Variants in UNC5A observed in about 807,000 individuals in gnomAD.
UNC5A encodes the protein netrin receptor UNC5A.
In UNC5A, 20 loss-of-function variants were observed where a neutral mutation model predicts 87.4. The observed-to-expected ratio is 0.23, with a 90% confidence interval of 0.16 to 0.33. The LOEUF is 0.33. UNC5A is among the 10% of genes least tolerant of loss of function. The probability of loss-of-function intolerance (pLI) is 1.00; values close to 1 mark genes in which losing one functional copy is unlikely to be tolerated. For synonymous variants in UNC5A, 438 were observed against 482.3 expected (o/e 0.91, Z 1.20); for missense variants, 844 against 1,133.4 (o/e 0.74, Z 3.67).
At position 176,848,475 on chromosome 5, in the gene UNC5A, A is replaced by G. The variant is rs1350136758; in HGVS notation, c.71-14149A>G. On this transcript the variant is annotated intron_variant, in intron 1 of 14. Coordinates refer to ENST00000329542, the MANE Select transcript of UNC5A (RefSeq NM_133369.3). The surrounding 1 kb of genome is among the most constrained non-coding windows in gnomAD (Gnocchi z 5.8). Reference sequence around the variant, plus strand: ...AGGAAAACATGAAATCAATACCAGGAGAAAAAAGTATGGCTGTCATTAAGT... The same window carrying G: ...AGGAAAACATGAAATCAATACCAGGGGAAAAAAGTATGGCTGTCATTAAGT... 6.6e-6 allele frequency among the ~76,000 whole-genome samples: 1 copy of G among 152,214 alleles called. No individual in the cohort carries two copies. The highest frequency in any genetic ancestry group is 1.5e-5 in the Non-Finnish European group (1 of 68,046).
chr5:176,815,770 G>A (rs1756572782), intron 1 of UNC5A, among the ~76,000 whole-genome samples: 2 of 152,176 alleles, frequency 1.3e-5, no homozygotes, highest in Admixed American at 1.3e-4. Flanking sequence ...ACTGACCCAG[G>A]CCCAGGCAGG....
Position 176,859,164 on chromosome 5 carries a change from T to C in UNC5A, c.71-3460T>C, listed in dbSNP as rs1189535630. Among the ~76,000 whole-genome samples, 39 of 78,522 alleles carry C rather than the reference T, an allele frequency of 5.0e-4. 1 individual carries two copies. The highest frequency in any genetic ancestry group is 2.4e-3 in the African/African-American group (31 of 12,944). The allele number at this position is 78,522 out of a possible 152,430, so 51.5% of individuals were successfully genotyped here. On this transcript the variant is annotated intron_variant, in intron 1 of 14. Transcript: ENST00000329542. ...GCTAGAGGGCATAGCTGCTACAATGTCCTTGCTAGAGGGCATGGCTGCTAG... is the reference window on the plus strand; with the variant it reads ...GCTAGAGGGCATAGCTGCTACAATGCCCTTGCTAGAGGGCATGGCTGCTAG...
At chr5:176,864,810 C>G (rs548391581) in intron 2 of UNC5A, 1 of 455,968 alleles carries the variant, frequency 2.2e-6, no homozygotes, top group East Asian at 7.0e-5. Flanking sequence ...TACCTCCTAC[C>G]CTCAGAGGGA....
chr5:176,847,239 C>T (rs1450568270), intron 1 of UNC5A, among the ~76,000 whole-genome samples: 1 of 152,196 alleles, frequency 6.6e-6, no homozygotes, highest in Non-Finnish European at 1.5e-5. Context: ...TGCCCCGTTC[C>T]CATCCAGCGC....
intron 1 of UNC5A, among the ~76,000 whole-genome samples, chr5:176,831,160 T>A (rs1279947345): frequency 6.6e-6 from 1 of 152,152 alleles, no homozygotes; most frequent in African/African-American, 2.4e-5. Context: ...CTTTTATCGT[T>A]CTGCAGAAGC....
In UNC5A at chr5:176,862,628, C is replaced by T. The variant is rs765114823; in HGVS notation, c.75C>T (p.Ala25=). ...VLAAWLRGSG[A]QQSATVANPV... is the part of the protein sequence containing the mutation. ...TCCCCCTCTGCCCTGCCGCAGGTGC[C>T]CAGCAGAGTGCCACCGTGGCCAACC... The change falls in exon 2 of 15, where the codon GCC becomes GCT. Residue 25 remains alanine (A), a synonymous_variant. Transcript: ENST00000329542. 2.7e-5 allele frequency: 44 copies of T among 1,613,174 alleles called. No individual in the cohort carries two copies. Among genetic ancestry groups the T allele is most frequent in the Non-Finnish European group, 3.4e-5 (40 of 1,179,858 alleles).
At chr5:176,851,937 C>G (rs1053418175) in intron 1 of UNC5A, among the ~76,000 whole-genome samples, 1 of 152,204 alleles carries the variant, frequency 6.6e-6, no homozygotes, top group South Asian at 2.1e-4. Flanking sequence ...TGATCTGCCC[C>G]GGCTCTGCCA....
In UNC5A at chr5:176,879,656, AGG is replaced by A. The variant is rs1466648494; in HGVS notation, c.2364-59_2364-58del. The A allele has an allele frequency of 5.7e-6, 9 of 1,582,374 alleles. No homozygotes were observed. The Admixed American group carries it at 1.5e-4, about 27-fold the overall frequency. On this transcript the variant is annotated intron_variant, in intron 14 of 14. Coordinates refer to ENST00000329542, the MANE Select transcript of UNC5A (RefSeq NM_133369.3). ...GGGAGGCCCTGCCCTGGGGTGGGCC[AGG>A]GGGGGCAGGAGGTGTCGGCTGGGGC... is the stretch of plus-strand genomic sequence containing the variant.
Position 176,862,752 on chromosome 5 carries a change from G to T in UNC5A, c.199G>T (p.Ala67Ser). 1 of 1,613,574 alleles carries T rather than the reference G, an allele frequency of 6.2e-7. No individual in the cohort carries two copies. Among genetic ancestry groups the T allele is most frequent in the Non-Finnish European group, 8.5e-7 (1 of 1,179,964 alleles). ...KNKPVLLVCK[A>S]VPATQIFFKC... is the part of the protein sequence containing the mutation. ...CAAGCCAGTGCTGCTTGTGTGCAAG[G>T]CCGTGCCCGCCACGCAGATCTTCTT... The change falls in exon 2 of 15, where the codon GCC becomes TCC. Residue 67 changes from alanine (A) to serine (S), a missense_variant. Ala to Ser is a moderately conservative substitution (Grantham distance 99, BLOSUM62 1). Around this residue, in one of 3 missense-constraint regions of UNC5A, gnomAD observed 314 missense variants for 466.5 expected, o/e 0.67. Transcript: ENST00000329542.
Position 176,879,962 on chromosome 5 carries a change from C to T in UNC5A, c.*76C>T. ...GGACAGGCAGAAGCCGGACAGGGGC[C>T]CTTCCCCACACCGGGGAGAGCTGCT... On this transcript the variant is annotated 3_prime_UTR_variant, in exon 15 of 15. Transcript: ENST00000329542. The T allele has an allele frequency of 6.6e-7, 1 of 1,509,970 alleles. No homozygotes were observed. Among genetic ancestry groups the T allele is most frequent in the Non-Finnish European group, 8.9e-7 (1 of 1,127,258 alleles). The allele number at this position is 1,509,970 out of a possible 1,614,324, so 93.5% of individuals were successfully genotyped here.
chr5:176,816,247 G>A (rs571541177), intron 1 of UNC5A, among the ~76,000 whole-genome samples: 5 of 152,390 alleles, frequency 3.3e-5, no homozygotes, highest in African/African-American at 4.8e-5. Context: ...TGCCTGCATC[G>A]CTGGAGAGCC....
intron 6 of UNC5A, among the ~76,000 whole-genome samples, chr5:176,873,568 G>T (rs1340547546): frequency 6.6e-6 from 1 of 152,154 alleles, no homozygotes; most frequent in Non-Finnish European, 1.5e-5. Context: ...CACACAGGAG[G>T]CAGACCCTGT....
In UNC5A at chr5:176,829,328, TATGGATGGATGGATGG is replaced by T. The variant is rs546614651; in HGVS notation, c.70+18535_70+18550del. 5.1e-3 allele frequency among the ~76,000 whole-genome samples: 481 copies of T among 93,406 alleles called. 3 individuals are homozygous for T. Among genetic ancestry groups the T allele is most frequent in the Middle Eastern group, 8.6e-3 (1 of 116 alleles). The allele number at this position is 93,406 out of a possible 152,430, so 61.3% of individuals were successfully genotyped here. A position where few individuals can be genotyped will look rare whatever the true frequency, so the allele number is the denominator to read the frequency against. ...TGGATGGATGAATGGATGTATGAAA[TATGGATGGATGGATGG>T]ATGGATGGATGGATGGATGGATGGA... On this transcript the variant is annotated intron_variant, in intron 1 of 14. Coordinates refer to ENST00000329542, the MANE Select transcript of UNC5A (RefSeq NM_133369.3).
At chr5:176,858,414 C>G (rs1204252613) in intron 1 of UNC5A, among the ~76,000 whole-genome samples, 1 of 152,072 alleles carries the variant, frequency 6.6e-6, no homozygotes, top group Non-Finnish European at 1.5e-5. Context: ...GCTCCTGCCT[C>G]GGAGGGATCC....
chr5:176,821,752 G>A (rs1470029040), intron 1 of UNC5A, among the ~76,000 whole-genome samples: 2 of 152,216 alleles, frequency 1.3e-5, no homozygotes, highest in African/African-American at 4.8e-5. Context: ...TCCTGACCAA[G>A]GTCACTCCCA....
chr5:176,846,383 G>A (rs772862414), intron 1 of UNC5A, among the ~76,000 whole-genome samples: 1 of 152,024 alleles, frequency 6.6e-6, no homozygotes, highest in Non-Finnish European at 1.5e-5. Flanking sequence ...TGAGTAGGGA[G>A]GGGGAAAGAG....
At chr5:176,855,353 C>T (rs901042916) in intron 1 of UNC5A, among the ~76,000 whole-genome samples, 2 of 152,228 alleles carry the variant, frequency 1.3e-5, no homozygotes, top group African/African-American at 2.4e-5. Flanking sequence ...GACCAAGATG[C>T]TGGAATCCCG....
chr5:176,835,439 A>T (rs777268213), intron 1 of UNC5A, among the ~76,000 whole-genome samples: 4 of 152,124 alleles, frequency 2.6e-5, no homozygotes, highest in Non-Finnish European at 4.4e-5. Flanking sequence ...TTCTGTAACC[A>T]TCCTGTCCAA....
At chr5:176,825,159 G>A (rs1424114110) in intron 1 of UNC5A, among the ~76,000 whole-genome samples, 1 of 152,248 alleles carries the variant, frequency 6.6e-6, no homozygotes, top group African/African-American at 2.4e-5. Flanking sequence ...GGGAAGTGGA[G>A]TTGAGAGACC....
Sources: gnomAD v4.1 joint callset for allele counts (sites outside exome capture counted in the v4.1 genomes callset) on GRCh38, gnomAD v4.1.1 for gene constraint, gnomAD v4.1.1 regional missense constraint, Gnocchi (gnomAD v3.1) non-coding constraint, MANE v1.5 for transcripts, NCBI Gene and HGNC (gene_info 2026-07-23, HGNC 2026-07-21) for gene names.